LINGO2: variants seen among roughly 807,000 people sequenced by gnomAD.
The protein encoded by LINGO2 is leucine-rich repeat and immunoglobulin-like domain-containing nogo receptor-interacting protein 2.
Under a neutral mutation model 30.6 loss-of-function variants are expected in LINGO2, and 14 were observed. That is an observed-to-expected ratio of 0.46 (90% CI 0.30 to 0.72). The LOEUF is 0.72. Among genes scored for constraint, LINGO2 ranks in the 30% least tolerant of loss-of-function variants. The pLI is 0.07. For synonymous variants in LINGO2, 317 were observed against 288.5 expected, an observed-to-expected ratio of 1.10 and a Z score of -1.00; for missense variants, 729 against 751.7, an observed-to-expected ratio of 0.97 and a Z score of 0.35.
At chr9:28,328,639 A>G (rs975390019) in intron 3 of LINGO2, among the ~76,000 whole-genome samples, 3 of 152,184 alleles carry the variant, frequency 2.0e-5, no homozygotes, top group African/African-American at 7.2e-5. Context: ...CAAATCATTA[A>G]GAACCTTAAG....
chr9:28,323,929 T>C (rs1587467308), intron 3 of LINGO2, among the ~76,000 whole-genome samples: 1 of 152,104 alleles, frequency 6.6e-6, no homozygotes, highest in East Asian at 1.9e-4. Flanking sequence ...AAAAGACAGG[T>C]AGGTTAACGA....
intron 4 of LINGO2, among the ~76,000 whole-genome samples, chr9:28,101,688 A>T (rs548582147): frequency 6.6e-6 from 1 of 152,282 alleles, no homozygotes; most frequent in East Asian, 1.9e-4. Flanking sequence ...GGAGAGTTAA[A>T]CTATTGCAAC....
chr9:29,195,285 G>C, the LINGO2 span, among the ~76,000 whole-genome samples: 1 of 151,820 alleles, frequency 6.6e-6, no homozygotes, highest in African/African-American at 2.4e-5. Flanking sequence ...ACATTTTATT[G>C]ATTTTATTGT....
the LINGO2 span, among the ~76,000 whole-genome samples, chr9:28,997,103 T>A: frequency 1.3e-5 from 2 of 152,210 alleles, no homozygotes; most frequent in Non-Finnish European, 2.9e-5. Context: ...CCCTACTAAT[T>A]TTTTTGTTTG....
At chr9:28,555,711 C>A (rs1387144384) in intron 1 of LINGO2, among the ~76,000 whole-genome samples, 2 of 152,012 alleles carry the variant, frequency 1.3e-5, no homozygotes, top group Non-Finnish European at 2.9e-5. Context: ...GAATTTTAGA[C>A]CAATATCCTT....
At chr9:28,054,255 C>T (rs1563946625) in intron 4 of LINGO2, among the ~76,000 whole-genome samples, 1 of 152,102 alleles carries the variant, frequency 6.6e-6, no homozygotes, top group East Asian at 1.9e-4. Context: ...CCTTCTCTCA[C>T]CTTTTCACTT....
intron 5 of LINGO2, among the ~76,000 whole-genome samples, chr9:28,005,769 T>C (rs1273819083): frequency 6.6e-6 from 1 of 152,096 alleles, no homozygotes; most frequent in Non-Finnish European, 1.5e-5. Context: ...CAGAACTGCA[T>C]TTTTCAAATC....
the LINGO2 span, among the ~76,000 whole-genome samples, chr9:28,893,748 A>AT: frequency 1.3e-5 from 2 of 150,606 alleles, no homozygotes; most frequent in East Asian, 2.0e-4. Flanking sequence ...TAATGGTTTG[A>AT]TTTTTTTTAA....
the LINGO2 span, among the ~76,000 whole-genome samples, chr9:29,175,176 T>C: frequency 2.0e-5 from 3 of 152,106 alleles, no homozygotes; most frequent in Non-Finnish European, 4.4e-5. Context: ...GGAGAATCAC[T>C]TGAACCTGGG....
the LINGO2 span, among the ~76,000 whole-genome samples, chr9:28,723,752 T>C: frequency 6.6e-6 from 1 of 152,118 alleles, no homozygotes; most frequent in Non-Finnish European, 1.5e-5. Flanking sequence ...ACTCTTAAGA[T>C]GTTTGCATTT....
At chr9:28,856,164 A>G in the LINGO2 span, among the ~76,000 whole-genome samples, 1,053 of 152,024 alleles carry the variant, frequency 6.9e-3, 6 homozygotes, top group Admixed American at 0.025. Flanking sequence ...GTGCCAGGAT[A>G]TTGGGAGAAC....
At chr9:28,987,279 G>T in the LINGO2 span, among the ~76,000 whole-genome samples, 1 of 151,686 alleles carries the variant, frequency 6.6e-6, no homozygotes, top group Admixed American at 6.6e-5. Context: ...TTGGTAGGTT[G>T]TATGTGTCTA....
intron 4 of LINGO2, among the ~76,000 whole-genome samples, chr9:28,226,675 GAAAGAAAGAAAGAAAGAAAGAA>G (rs1336254712): frequency 6.2e-4 from 59 of 95,722 alleles, no homozygotes; most frequent in African/African-American, 2.9e-3. Context: ...AAGAAAGAAA[GAAAGAAAGAAAGAAAGAAAGAA>G]AGAAAGAGAA....
chr9:29,083,933 A>T, the LINGO2 span, among the ~76,000 whole-genome samples: 6,253 of 152,104 alleles, frequency 0.041, 195 homozygotes, highest in Admixed American at 0.079. Flanking sequence ...TTTACCTGGT[A>T]CCTTGATACT....
At chr9:28,012,697 A>G (rs1822621195) in intron 4 of LINGO2, among the ~76,000 whole-genome samples, 1 of 152,038 alleles carries the variant, frequency 6.6e-6, no homozygotes, top group African/African-American at 2.4e-5. Flanking sequence ...CAGTTATTTC[A>G]GTTGGGGTTT....
the LINGO2 span, among the ~76,000 whole-genome samples, chr9:29,164,119 A>G: frequency 1.5e-4 from 22 of 151,176 alleles, no homozygotes; most frequent in South Asian, 1.0e-3. Flanking sequence ...AAAAAAAAAA[A>G]GGGGGCCTCT....
At chr9:27,968,669 A>C (rs1033342047) in intron 5 of LINGO2, among the ~76,000 whole-genome samples, 42 of 151,944 alleles carry the variant, frequency 2.8e-4, no homozygotes, top group African/African-American at 1.0e-3. Flanking sequence ...AAACAAAAAT[A>C]CAATAAAAGT....
intron 1 of LINGO2, among the ~76,000 whole-genome samples, chr9:28,602,701 C>G (rs996793746): frequency 1.3e-5 from 2 of 152,002 alleles, no homozygotes; most frequent in African/African-American, 4.8e-5. Context: ...TCTTCCTTTT[C>G]TAACATATTT....
At chr9:28,540,778 T>A (rs764581763) in intron 1 of LINGO2, among the ~76,000 whole-genome samples, 8 of 152,190 alleles carry the variant, frequency 5.3e-5, no homozygotes, top group Non-Finnish European at 1.0e-4. Context: ...TATAGAAGAT[T>A]AGATGTGTGT....
Sources: gnomAD v4.1 joint callset for allele counts (sites outside exome capture counted in the v4.1 genomes callset) on GRCh38, gnomAD v4.1.1 for gene constraint, MANE v1.5 for transcripts, NCBI Gene and HGNC (gene_info 2026-07-23, HGNC 2026-07-21) for gene names.